The following SPSB4 variants were observed in gnomAD, a reference collection of about 807,000 sequenced individuals.
The protein encoded by SPSB4 is SPRY domain-containing SOCS box protein 4.
SPSB4 carries 21 observed loss-of-function variants against 20.9 expected under a neutral mutation model. The ratio of observed to expected loss-of-function variants is 1.01; its 90% CI spans 0.71 to 1.45. The LOEUF (loss-of-function observed/expected upper bound fraction) is 1.45, where lower values mean the gene tolerates loss of function less well. Among genes scored for constraint, SPSB4 ranks in the 40% most tolerant of loss-of-function variants. The pLI is 0.00. For missense variants in SPSB4, 399 were observed against 399.2 expected, an observed-to-expected ratio of 1.00 and a Z score of 0.00; for synonymous variants, 207 against 183.8, an observed-to-expected ratio of 1.13 and a Z score of -1.02.
rs555250582 is a variant in SPSB4, at chr3:141,140,384, C to T, written c.695-6758C>T. On this transcript the variant is annotated intron_variant, in intron 2 of 2. Transcript: ENST00000310546. ...TTGTTCCGTTGCTGGTGAGGAGCTG[C>T]GTTCCTTTGGAGGAGAGGCGCTCTG... Among the ~76,000 whole-genome samples, 52 of 152,328 alleles carry T rather than the reference C, an allele frequency of 3.4e-4. No homozygotes were observed. The South Asian group carries it at 8.1e-3, about 24-fold the overall frequency.
rs1323017924 is a variant in SPSB4, at chr3:141,066,808, G to T, written c.694+10G>T. On this transcript the variant is annotated intron_variant, in intron 2 of 2. Transcript: ENST00000310546. ...ATCAACGGCCTTGACCGTAAGTTGT[G>T]CTGGGCTGGGGGGCAGGGCTTTCAG... 6 of 1,526,930 alleles carry T rather than the reference G, an allele frequency of 3.9e-6. No individual in the cohort carries two copies. In the African/African-American group the frequency reaches 4.1e-5, roughly 11 times the overall value. 94.6% of individuals were successfully genotyped at this position (1,526,930 alleles called of 1,614,324 possible).
At chr3:141,138,910 G>C (rs1939274600) in intron 2 of SPSB4, among the ~76,000 whole-genome samples, 1 of 152,152 alleles carries the variant, frequency 6.6e-6, no homozygotes, top group Non-Finnish European at 1.5e-5. Flanking sequence ...CTGTCTCGTT[G>C]ATCTGTCTAA....
intron 1 of SPSB4, among the ~76,000 whole-genome samples, chr3:141,054,463 A>C (rs2107773255): frequency 6.6e-6 from 1 of 152,356 alleles, no homozygotes; most frequent in African/African-American, 2.4e-5. Flanking sequence ...TACATAAGCC[A>C]ACTAATTTAT....
chr3:141,106,623 A>C (rs1938693291), intron 2 of SPSB4, among the ~76,000 whole-genome samples: 1 of 152,230 alleles, frequency 6.6e-6, no homozygotes. Context: ...AAACTGCCTT[A>C]AGTTAATAAA....
rs78865863 is a variant in SPSB4 at position 141,091,352 on chromosome 3, G to A, written c.694+24554G>A. ...CTCGTGAGCATTGTCATGGAGATTA[G>A]TGAGACAGTCCATGTAATAAAGTGC... is the stretch of plus-strand genomic sequence containing the variant. On this transcript the variant is annotated intron_variant, in intron 2 of 2. Transcript: ENST00000310546. Among the ~76,000 whole-genome samples, 803 of 152,358 alleles carry A rather than the reference G, an allele frequency of 5.3e-3. 7 individuals carry two copies. The highest frequency in any genetic ancestry group is 0.019 in the African/African-American group (770 of 41,584).
chr3:141,051,392 G>A lies in SPSB4; in HGVS notation c.-754G>A, dbSNP rs1936083251. The A allele has an allele frequency of 5.1e-5, 8 of 156,060 alleles. No homozygotes were observed. The Admixed American group carries it at 5.2e-4, about 10-fold the overall frequency. 9.7% of individuals were successfully genotyped at this position (156,060 alleles called of 1,614,324 possible). A position where few individuals can be genotyped will look rare whatever the true frequency, so the allele number is the denominator to read the frequency against. The stretch of plus-strand genomic sequence containing the variant: ...CCTCCGGGCCGGCCGGGAAGGCGGG[G>A]AGCGGGCGGCGGCGGCGGAGGAGGG... On this transcript the variant is annotated 5_prime_UTR_variant, in exon 1 of 3. Coordinates refer to ENST00000310546, the MANE Select transcript of SPSB4 (RefSeq NM_080862.3).
chr3:141,128,110 G>T (rs1279939914), intron 2 of SPSB4, among the ~76,000 whole-genome samples: 1 of 152,218 alleles, frequency 6.6e-6, no homozygotes, highest in Non-Finnish European at 1.5e-5. Context: ...TTCCCTGAGG[G>T]GAAATAATGG....
At chr3:141,114,545 T>G (rs577459758) in intron 2 of SPSB4, among the ~76,000 whole-genome samples, 1 of 152,308 alleles carries the variant, frequency 6.6e-6, no homozygotes, top group African/African-American at 2.4e-5. Flanking sequence ...CCCACTGTGC[T>G]GGCCCAGCAA....
At chr3:141,120,592 C>T (rs1484321168) in intron 2 of SPSB4, among the ~76,000 whole-genome samples, 1 of 152,156 alleles carries the variant, frequency 6.6e-6, no homozygotes, top group Non-Finnish European at 1.5e-5. Flanking sequence ...AATCTGTGTG[C>T]TCCTGTATTG....
intron 2 of SPSB4, among the ~76,000 whole-genome samples, chr3:141,077,744 TCA>T (rs1490730347): frequency 2.6e-5 from 4 of 152,168 alleles, no homozygotes; most frequent in Non-Finnish European, 4.4e-5. Flanking sequence ...TGAGGGCCAC[TCA>T]CAGTGCTTAT....
chr3:141,076,262 G>C (rs1198688135), intron 2 of SPSB4, among the ~76,000 whole-genome samples: 3 of 152,210 alleles, frequency 2.0e-5, no homozygotes, highest in Non-Finnish European at 4.4e-5. Flanking sequence ...CGACAAGGCA[G>C]CTATGCCTTC....
chr3:141,090,131 A>G (rs1938422857), intron 2 of SPSB4, among the ~76,000 whole-genome samples: 1 of 152,064 alleles, frequency 6.6e-6, no homozygotes, highest in African/African-American at 2.4e-5. Context: ...GAATGTATTA[A>G]TATGTTGGTG....
At chr3:141,124,414 T>G (rs905441043) in intron 2 of SPSB4, among the ~76,000 whole-genome samples, 1 of 152,116 alleles carries the variant, frequency 6.6e-6, no homozygotes, top group Non-Finnish European at 1.5e-5. Flanking sequence ...ACCAGGATCG[T>G]CTCATAAAAC....
chr3:141,057,906 C>G (rs781109723), intron 1 of SPSB4, among the ~76,000 whole-genome samples: 1 of 152,184 alleles, frequency 6.6e-6, no homozygotes, highest in East Asian at 1.9e-4. Flanking sequence ...TCAGATCTCT[C>G]GTGGAGTCTG....
chr3:141,079,774 T>C (rs1938191875), intron 2 of SPSB4, among the ~76,000 whole-genome samples: 1 of 151,882 alleles, frequency 6.6e-6, no homozygotes, highest in South Asian at 2.1e-4. Flanking sequence ...GGGAGGGAGG[T>C]CAGCTGCTGC....
intron 2 of SPSB4, among the ~76,000 whole-genome samples, chr3:141,103,150 C>G (rs998764933): frequency 1.3e-5 from 2 of 152,236 alleles, no homozygotes; most frequent in African/African-American, 4.8e-5. Context: ...CCTCTGAAGA[C>G]AGCAGCCTAC....
At chr3:141,136,323 T>G (rs1559857184) in intron 2 of SPSB4, among the ~76,000 whole-genome samples, 2 of 152,216 alleles carry the variant, frequency 1.3e-5, no homozygotes, top group African/African-American at 4.8e-5. Flanking sequence ...TCTTTTGCTG[T>G]GCAGAAGCTC....
chr3:141,070,876 C>A (rs918366566), intron 2 of SPSB4, among the ~76,000 whole-genome samples: 2 of 152,216 alleles, frequency 1.3e-5, no homozygotes, highest in African/African-American at 4.8e-5. Context: ...GACGTTTACC[C>A]TCAAGGCAGG....
intron 2 of SPSB4, among the ~76,000 whole-genome samples, chr3:141,122,463 CA>C (rs1449208576): frequency 2.0e-5 from 3 of 152,184 alleles, no homozygotes; most frequent in African/African-American, 4.8e-5. Context: ...AGCTGTCAGA[CA>C]GGGACGTTTA....
Sources: allele counts gnomAD v4.1 joint callset (sites outside exome capture counted in the v4.1 genomes callset), GRCh38; gene constraint gnomAD v4.1.1; transcripts MANE v1.5; gene names NCBI Gene and HGNC (gene_info 2026-07-23, HGNC 2026-07-21).